The following ANKRD39 variants were observed in gnomAD, a reference collection of about 807,000 sequenced individuals.
ANKRD39 encodes ankyrin repeat domain 39, also known as ankyrin repeat domain-containing protein 39.
ANKRD39 carries 18 observed loss-of-function variants against 20.3 expected under a neutral mutation model. The observed-to-expected ratio is 0.89, with a 90% CI of 0.61 to 1.32. The LOEUF (loss-of-function observed/expected upper bound fraction) is 1.32. ANKRD39 is among the 40% of genes most tolerant of loss of function. The pLI, the probability that ANKRD39 is intolerant of heterozygous loss-of-function variation, is 0.00. For missense variants in ANKRD39, 243 were observed against 250.7 expected, an observed-to-expected ratio of 0.97 and a Z score of 0.21; for synonymous variants, 106 against 111.9, an observed-to-expected ratio of 0.95 and a Z score of 0.33.
rs868418103 is a variant in ANKRD39, at chr2:96,848,625, G to A, written c.409-181C>T. On this transcript the variant is annotated intron_variant, in intron 3 of 3. Transcript: ENST00000393537. The stretch of plus-strand genomic sequence containing the variant: ...GCGGATCACAAGGTCAAGAGTTCAA[G>A]ACCAGCCTGACATGGTGAAACCCCA... Among the ~76,000 whole-genome samples the A allele has an allele frequency of 3.3e-5, 5 of 152,262 alleles. No homozygotes were observed. In the South Asian group the frequency reaches 8.3e-4, roughly 25 times the overall value.
intron 3 of ANKRD39, 33 bp downstream of exon 3, chr2:96,853,368 A>G (rs764715177): frequency 1.3e-6 from 2 of 1,547,868 alleles, no homozygotes; most frequent in Non-Finnish European, 8.7e-7. Context: ...AAAAATAAGG[A>G]AACGACATTT....
At chr2:96,850,542 G>A (rs2079831682) in intron 3 of ANKRD39, among the ~76,000 whole-genome samples, 1 of 152,050 alleles carries the variant, frequency 6.6e-6, no homozygotes, top group Non-Finnish European at 1.5e-5. Context: ...GTGCGTGCCT[G>A]TAATCCCAGC....
At chr2:96,848,685 G>A (rs924918301) in intron 3 of ANKRD39, among the ~76,000 whole-genome samples, 21 of 152,164 alleles carry the variant, frequency 1.4e-4, no homozygotes, top group Non-Finnish European at 1.9e-4. Context: ...GCCAAGTGTG[G>A]TGGCACGTGC....
intron 2 of ANKRD39, 47 bp from the exon 3 acceptor site, chr2:96,853,651 G>A: frequency 6.3e-7 from 1 of 1,581,524 alleles, no homozygotes; most frequent in Non-Finnish European, 8.6e-7. Flanking sequence ...CCAGGCAGGT[G>A]ACAAGGGTGG....
intron 3 of ANKRD39, among the ~76,000 whole-genome samples, chr2:96,852,700 CAT>C (rs778379911): frequency 6.6e-6 from 1 of 152,112 alleles, no homozygotes; most frequent in Non-Finnish European, 1.5e-5. Context: ...TAGATTTACA[CAT>C]GATTTACACA....
At chr2:96,850,362 G>A (rs936771488) in intron 3 of ANKRD39, among the ~76,000 whole-genome samples, 1 of 152,168 alleles carries the variant, frequency 6.6e-6, no homozygotes, top group South Asian at 2.1e-4. Context: ...TTTGCAAATA[G>A]TTTTAAAAGA....
intron 3 of ANKRD39, 138 bp downstream of exon 3, chr2:96,853,263 T>A (rs1473121784): frequency 8.3e-6 from 9 of 1,084,210 alleles, no homozygotes; most frequent in South Asian, 1.6e-5. Context: ...CCTAAAGTGA[T>A]GACAGGTGAG....
At position 96,853,395 on chromosome 2, in the gene ANKRD39, G is replaced by A. The variant is rs1237984131; in HGVS notation, c.408+6C>T. ...ACGACATTTTTGGAAGGGGGAACGG[G>A]CCCACCTTATGCAGACTGGTCATGC... On this transcript the variant is annotated splice_donor_region_variant and intron_variant, in intron 3 of 3. Coordinates refer to ENST00000393537, the MANE Select transcript of ANKRD39 (RefSeq NM_016466.6). 1 of 1,567,568 alleles carries A rather than the reference G, an allele frequency of 6.4e-7. No individual in the cohort carries two copies. Among genetic ancestry groups the A allele is most frequent in the Admixed American group, 1.9e-5 (1 of 52,640 alleles).
At chr2:96,852,512 C>CAAAAAAAAAA (rs1440837982) in intron 3 of ANKRD39, among the ~76,000 whole-genome samples, 6 of 59,278 alleles carry the variant, frequency 1.0e-4, no homozygotes, top group African/African-American at 2.8e-4. Context: ...ACAAAAAAGA[C>CAAAAAAAAAA]AAAAAAAAAA....
chr2:96,854,246 TA>T, intron 2 of ANKRD39, 91 bp downstream of exon 2: 2 of 1,284,484 alleles, frequency 1.6e-6, no homozygotes, highest in Non-Finnish European at 2.2e-6. Flanking sequence ...AGGGAGGAGG[TA>T]AAAGGTAACC....
At chr2:96,857,640 G>A (rs1478028588) in intron 1 of ANKRD39, among the ~76,000 whole-genome samples, 3 of 152,274 alleles carry the variant, frequency 2.0e-5, no homozygotes, top group Admixed American at 2.0e-4. Flanking sequence ...TACTCGGGAG[G>A]GTTACGGAAA....
intron 1 of ANKRD39, among the ~76,000 whole-genome samples, chr2:96,857,179 G>C (rs1457996990): frequency 6.6e-6 from 1 of 152,176 alleles, no homozygotes; most frequent in Non-Finnish European, 1.5e-5. Context: ...GTAGGCAGGT[G>C]CCAGAACCAC....
At chr2:96,852,577 C>T (rs1234465849) in intron 3 of ANKRD39, among the ~76,000 whole-genome samples, 1 of 148,414 alleles carries the variant, frequency 6.7e-6, no homozygotes, top group African/African-American at 2.5e-5. Flanking sequence ...TTCACAATAA[C>T]TCATGGACCT....
rs367801086 is a variant in ANKRD39 at position 96,848,411 on chromosome 2, G to C, written c.442C>G (p.Leu148Val). The C allele has an allele frequency of 1.4e-5, 23 of 1,614,172 alleles. No individual in the cohort carries two copies. Among genetic ancestry groups the C allele is most frequent in the Non-Finnish European group, 1.8e-5 (21 of 1,180,036 alleles). Residue 148 changes from leucine to valine, a missense_variant, in exon 4 of 4, where the codon CTC becomes GTC. Transcript: ENST00000393537. ...AERGHGDICS[L>V]LLQHSPALKA... is the part of the protein sequence containing the mutation. ...AGGGCTGGGCTGTGTTGCAGGAGGAGGGAGCAGATGTCCCCGTGACCCCTC... is the reference window on the plus strand; with the variant it reads ...AGGGCTGGGCTGTGTTGCAGGAGGACGGAGCAGATGTCCCCGTGACCCCTC...
At chr2:96,851,059 T>G (rs1574134884) in intron 3 of ANKRD39, among the ~76,000 whole-genome samples, 2 of 152,162 alleles carry the variant, frequency 1.3e-5, no homozygotes, top group Non-Finnish European at 1.5e-5. Flanking sequence ...AGTGGTGTGA[T>G]CTCAGTTCAC....
intron 1 of ANKRD39, among the ~76,000 whole-genome samples, chr2:96,857,208 T>G (rs1333389372): frequency 6.6e-6 from 1 of 152,032 alleles, no homozygotes; most frequent in African/African-American, 2.4e-5. Flanking sequence ...AAGAGTTCCA[T>G]GAGAATGCTT....
chr2:96,857,351 C>A (rs2079870391), intron 1 of ANKRD39, among the ~76,000 whole-genome samples: 1 of 152,242 alleles, frequency 6.6e-6, no homozygotes, highest in Admixed American at 6.5e-5. Context: ...TCTGTATAAT[C>A]TGGGCCAAAC....
intron 1 of ANKRD39, among the ~76,000 whole-genome samples, chr2:96,855,609 G>A (rs963777802): frequency 1.3e-5 from 2 of 152,008 alleles, no homozygotes; most frequent in East Asian, 3.9e-4. Flanking sequence ...TGTAGTCCCA[G>A]CTACTCAGGG....
At chr2:96,855,760 G>A (rs2079860062) in intron 1 of ANKRD39, among the ~76,000 whole-genome samples, 1 of 151,480 alleles carries the variant, frequency 6.6e-6, no homozygotes, top group African/African-American at 2.4e-5. Flanking sequence ...TGCGGATCAC[G>A]AGGTCAGGAG....
Sources: allele counts gnomAD v4.1 joint callset (sites outside exome capture counted in the v4.1 genomes callset), GRCh38; gene constraint gnomAD v4.1.1; transcripts MANE v1.5; gene names NCBI Gene and HGNC (gene_info 2026-07-23, HGNC 2026-07-21).